The following CDH9 variants were observed in gnomAD, a reference collection of about 807,000 sequenced individuals.
CDH9 encodes cadherin 9, also known as cadherin-9.
Under a neutral mutation model 70.9 loss-of-function variants are expected in CDH9, and 28 were observed. That is an observed-to-expected ratio of 0.40 (90% confidence interval 0.29 to 0.54). The LOEUF is 0.54. CDH9 is among the 20% of genes least tolerant of loss of function. CDH9 has a pLI of 0.59. For synonymous variants in CDH9, 409 were observed against 343.1 expected (o/e 1.19, Z -2.12); for missense variants, 874 against 984.4 (o/e 0.89, Z 1.50).
chr5:26,926,922 C>CT (rs371626931), intron 2 of CDH9, among the ~76,000 whole-genome samples: 4 of 118,358 alleles, frequency 3.4e-5, no homozygotes, highest in African/African-American at 7.2e-5. Context: ...ATACAGCCCC[C>CT]CCCCGCAAAA....
intron 2 of CDH9, among the ~76,000 whole-genome samples, chr5:26,977,248 C>A (rs575982408): frequency 6.6e-6 from 1 of 151,654 alleles, no homozygotes; most frequent in African/African-American, 2.4e-5. Flanking sequence ...TGGAAACTGG[C>A]AAGATAATTT....
chr5:27,023,483 G>T (rs1743173467), intron 1 of CDH9, among the ~76,000 whole-genome samples: 1 of 151,902 alleles, frequency 6.6e-6, no homozygotes, highest in African/African-American at 2.4e-5. Flanking sequence ...AAAATATATA[G>T]ATTCTCATTG....
At chr5:27,032,164 CTA>C (rs913046993) in intron 1 of CDH9, among the ~76,000 whole-genome samples, 9 of 151,332 alleles carry the variant, frequency 5.9e-5, no homozygotes, top group African/African-American at 2.2e-4. Flanking sequence ...TGAAATAGCC[CTA>C]TAATATTTTT....
chr5:26,993,092 A>G (rs1221946504), intron 1 of CDH9, among the ~76,000 whole-genome samples: 4 of 128,778 alleles, frequency 3.1e-5, no homozygotes, highest in Non-Finnish European at 6.5e-5. Context: ...CAAGGGTGAA[A>G]CTCCGTCTCC....
chr5:27,008,176 A>T (rs1015467260), intron 1 of CDH9, among the ~76,000 whole-genome samples: 1 of 152,110 alleles, frequency 6.6e-6, no homozygotes, highest in Non-Finnish European at 1.5e-5. Flanking sequence ...AGCTGACCTT[A>T]CAAGGAGATA....
chr5:26,951,520 A>G (rs1422735556), intron 2 of CDH9, among the ~76,000 whole-genome samples: 1 of 152,098 alleles, frequency 6.6e-6, no homozygotes, highest in South Asian at 2.1e-4. Context: ...CATAAGCTAT[A>G]TAAGTATAAA....
chr5:26,964,540 T>C (rs547385190), intron 2 of CDH9, among the ~76,000 whole-genome samples: 5 of 152,302 alleles, frequency 3.3e-5, no homozygotes, highest in Middle Eastern at 3.4e-3. Context: ...TTGTATTGTG[T>C]TGTAGGAGAT....
At chr5:26,952,145 G>C (rs1228581108) in intron 2 of CDH9, among the ~76,000 whole-genome samples, 1 of 150,282 alleles carries the variant, frequency 6.7e-6, no homozygotes, top group Non-Finnish European at 1.5e-5. Flanking sequence ...TGTATTTTTA[G>C]TAGAGACGGG....
intron 2 of CDH9, among the ~76,000 whole-genome samples, chr5:26,930,178 T>G (rs796506180): frequency 6.6e-6 from 1 of 152,072 alleles, no homozygotes; most frequent in South Asian, 2.1e-4. Flanking sequence ...GAAATATTTT[T>G]TAAATTAGGA....
Position 26,882,080 on chromosome 5 carries a change from T to C in CDH9, c.1883-457A>G, listed in dbSNP as rs370744781. Among the ~76,000 whole-genome samples, 60 of 152,218 alleles carry C rather than the reference T, an allele frequency of 3.9e-4. 1 individual carries two copies. The South Asian group carries it at 0.012, about 30-fold the overall frequency. The stretch of plus-strand genomic sequence containing the variant: ...TCATATATAGATACATATATACTTG[T>C]ATATGCATTATATTTATATATTATG... On this transcript the variant is annotated intron_variant, in intron 11 of 11. Transcript: ENST00000231021.
intron 9 of CDH9, among the ~76,000 whole-genome samples, chr5:26,887,103 A>G (rs1740578011): frequency 6.6e-6 from 1 of 152,158 alleles, no homozygotes; most frequent in Admixed American, 6.6e-5. Flanking sequence ...TTTTATATTA[A>G]TGATAATTAC....
At chr5:26,952,305 G>T (rs1380987445) in intron 2 of CDH9, among the ~76,000 whole-genome samples, 11 of 149,612 alleles carry the variant, frequency 7.4e-5, no homozygotes, top group African/African-American at 2.5e-4. Flanking sequence ...AGTATTGAGA[G>T]GGAGGTCCCT....
chr5:26,946,982 T>C (rs1741765436), intron 2 of CDH9, among the ~76,000 whole-genome samples: 1 of 152,150 alleles, frequency 6.6e-6, no homozygotes, highest in Non-Finnish European at 1.5e-5. Context: ...GAATGCAAAG[T>C]GTGCTAAAGA....
chr5:27,026,344 A>G (rs773619449), intron 1 of CDH9, among the ~76,000 whole-genome samples: 1 of 151,884 alleles, frequency 6.6e-6, no homozygotes, highest in Non-Finnish European at 1.5e-5. Context: ...TTTCGTTAAC[A>G]TACCAGGGCT....
chr5:26,881,099 G>T lies in CDH9; in HGVS notation c.*37C>A. Reference sequence around the variant, plus strand: ...GCCACTCAATCTAATAACATAGACAGTACTTCCACTAATATTGATTAAGTC... The same window carrying T: ...GCCACTCAATCTAATAACATAGACATTACTTCCACTAATATTGATTAAGTC... On this transcript the variant is annotated 3_prime_UTR_variant, in exon 12 of 12. Coordinates refer to ENST00000231021, the MANE Select transcript of CDH9 (RefSeq NM_016279.4). 1 of 1,541,126 alleles carries T rather than the reference G, an allele frequency of 6.5e-7. No individual in the cohort carries two copies.
At chr5:26,935,279 A>ATACT (rs1437932400) in intron 2 of CDH9, among the ~76,000 whole-genome samples, 3 of 152,212 alleles carry the variant, frequency 2.0e-5, no homozygotes, top group Admixed American at 1.3e-4. Flanking sequence ...TACAGCCAAT[A>ATACT]TACTTAATGG....
At chr5:26,902,901 C>G in intron 6 of CDH9, 172 bp from the exon 7 acceptor site, 1 of 545,820 alleles carries the variant, frequency 1.8e-6, no homozygotes, top group African/African-American at 1.9e-5. Context: ...TTTTGCCATA[C>G]ACTTATTCAC....
chr5:26,895,936 A>C (rs1329212921), intron 7 of CDH9, among the ~76,000 whole-genome samples: 1 of 151,942 alleles, frequency 6.6e-6, no homozygotes, highest in East Asian at 1.9e-4. Flanking sequence ...TTCACACTAT[A>C]ATTGGATATC....
chr5:26,913,991 A>G (rs929477084), intron 3 of CDH9, among the ~76,000 whole-genome samples: 2 of 152,014 alleles, frequency 1.3e-5, no homozygotes, highest in Non-Finnish European at 2.9e-5. Context: ...AAATATCAAT[A>G]GTCTCTGATA....
Sources: gnomAD v4.1 joint callset for allele counts (sites outside exome capture counted in the v4.1 genomes callset) on GRCh38, gnomAD v4.1.1 for gene constraint, MANE v1.5 for transcripts, NCBI Gene and HGNC (gene_info 2026-07-23, HGNC 2026-07-21) for gene names.